CNTN6: variants seen among roughly 807,000 people sequenced by gnomAD.
The protein encoded by CNTN6 is contactin-6.
Under a neutral mutation model 122.8 loss-of-function variants are expected in CNTN6, and 137 were observed. The ratio of observed to expected loss-of-function variants is 1.12; its 90% confidence interval spans 0.97 to 1.29. CNTN6 has a LOEUF of 1.29. CNTN6 is among the 50% of genes most tolerant of loss of function. The pLI, the probability that CNTN6 is intolerant of heterozygous loss-of-function variation, is 0.00. For synonymous variants in CNTN6, 570 were observed against 426.0 expected, an observed-to-expected ratio of 1.34 and a Z score of -4.16; for missense variants, 1,634 against 1,223.4, an observed-to-expected ratio of 1.34 and a Z score of -5.01.
chr3:1,393,679 G>C (rs769317517), intron 20 of CNTN6, among the ~76,000 whole-genome samples: 4 of 150,160 alleles, frequency 2.7e-5, no homozygotes, highest in Non-Finnish European at 5.9e-5. Flanking sequence ...TATCATGGTA[G>C]ACTGACAGAC....
chr3:1,238,670 A>G lies in CNTN6; in HGVS notation c.358+10677A>G, dbSNP rs146281811. On this transcript the variant is annotated intron_variant, in intron 4 of 22. Transcript: ENST00000446702. ...TTCATCAGCACATGGAACATTCTCC[A>G]ACATAGACCATACGATAGGCCACAA... is the stretch of plus-strand genomic sequence containing the variant. Among the ~76,000 whole-genome samples, 537 of 152,328 alleles carry G rather than the reference A, an allele frequency of 3.5e-3. 4 individuals are homozygous for G. The highest frequency in any genetic ancestry group is 0.012 in the African/African-American group (507 of 41,580).
At chr3:1,118,016 C>G (rs1190068869) in intron 1 of CNTN6, among the ~76,000 whole-genome samples, 5 of 152,072 alleles carry the variant, frequency 3.3e-5, no homozygotes, top group Non-Finnish European at 5.9e-5. Context: ...CCAAATAAGC[C>G]CTTGCCTCAA....
intron 5 of CNTN6, among the ~76,000 whole-genome samples, chr3:1,288,055 G>A (rs1694656871): frequency 6.6e-6 from 1 of 152,176 alleles, no homozygotes; most frequent in African/African-American, 2.4e-5. Context: ...TGGCCTCCCA[G>A]GCTGAACCCC....
rs770573056 is a variant in CNTN6 at position 1,372,446 on chromosome 3, G to T, written c.1640G>T (p.Gly547Val). The T allele has an allele frequency of 9.3e-6, 15 of 1,611,228 alleles. No individual in the cohort carries two copies. Among genetic ancestry groups the T allele is most frequent in the Non-Finnish European group, 1.3e-5 (15 of 1,178,994 alleles). The change falls in exon 13 of 23, where the codon GGA becomes GTA. Residue 547 changes from glycine (G) to valine (V), a missense_variant. Transcript: ENST00000446702. ...GGAGATGTCATAGACTTAAAAAAAG[G>T]AGTGGCTCATTTTGAAAGGATTGGA... ...FNGDVIDLKK[G>V]VAHFERIGGE...
At chr3:1,377,163 A>G in intron 17 of CNTN6, 88 bp downstream of exon 17, 1 of 894,438 alleles carries the variant, frequency 1.1e-6, no homozygotes, top group Non-Finnish European at 1.8e-6. Flanking sequence ...TTATTTGATC[A>G]CTATTGAGAG....
rs565964494 is a variant in CNTN6 at position 1,134,265 on chromosome 3, A to C, written c.-82-13662A>C. 5.3e-5 allele frequency among the ~76,000 whole-genome samples: 8 copies of C among 152,148 alleles called. No homozygotes were observed. In the South Asian group the frequency reaches 1.7e-3, roughly 32 times the overall value. On this transcript the variant is annotated intron_variant, in intron 1 of 22. Coordinates refer to ENST00000446702, the MANE Select transcript of CNTN6 (RefSeq NM_001289080.2). ...ACTGAGTTGCCTGCTCTCCCATCTC[A>C]ATTTGGAAATCTGAGACCAGAGTTG...
At chr3:1,335,954 G>A (rs1559858704) in intron 11 of CNTN6, among the ~76,000 whole-genome samples, 1 of 152,032 alleles carries the variant, frequency 6.6e-6, no homozygotes, top group Non-Finnish European at 1.5e-5. Flanking sequence ...GGGTGTTGAG[G>A]TGGGAGAATA....
At chr3:1,252,689 C>G (rs1193018440) in intron 4 of CNTN6, among the ~76,000 whole-genome samples, 2 of 152,102 alleles carry the variant, frequency 1.3e-5, no homozygotes, top group Admixed American at 1.3e-4. Context: ...ATTCAGGTCT[C>G]CTGACTAAGA....
At chr3:1,175,627 A>G (rs569876582) in intron 2 of CNTN6, among the ~76,000 whole-genome samples, 1 of 152,356 alleles carries the variant, frequency 6.6e-6, no homozygotes, top group African/African-American at 2.4e-5. Flanking sequence ...TCTAGCTGCA[A>G]GAGGGCAGTA....
chr3:1,306,636 C>CA (rs927642661), intron 7 of CNTN6, among the ~76,000 whole-genome samples: 1 of 136,704 alleles, frequency 7.3e-6, no homozygotes, highest in African/African-American at 2.5e-5. Flanking sequence ...ATAAGGAAGG[C>CA]AAAAATGATA....
At chr3:1,388,958 G>T (rs1392255745) in intron 20 of CNTN6, among the ~76,000 whole-genome samples, 244 of 142,906 alleles carry the variant, frequency 1.7e-3, no homozygotes, top group African/African-American at 5.8e-3. Flanking sequence ...GAAAGTGATG[G>T]GGAGAATGGA....
At chr3:1,113,057 A>T (rs1306372919) in intron 1 of CNTN6, among the ~76,000 whole-genome samples, 1 of 152,164 alleles carries the variant, frequency 6.6e-6, no homozygotes, top group Admixed American at 6.5e-5. Context: ...GGTTGTAGAG[A>T]TGAAAGTCAG....
intron 14 of CNTN6, 140 bp downstream of exon 14, chr3:1,373,095 A>T: frequency 1.7e-6 from 1 of 580,028 alleles, no homozygotes. Context: ...TTTAAACCCC[A>T]GGACTCCATG....
At chr3:1,322,723 G>A (rs544787439) in intron 8 of CNTN6, among the ~76,000 whole-genome samples, 117 of 151,500 alleles carry the variant, frequency 7.7e-4, no homozygotes, top group South Asian at 1.5e-3. Context: ...TTGAGTGCCC[G>A]TGGGGAGAAC....
At chr3:1,225,305 T>C (rs2094266279) in intron 3 of CNTN6, among the ~76,000 whole-genome samples, 1 of 152,150 alleles carries the variant, frequency 6.6e-6, no homozygotes, top group Non-Finnish European at 1.5e-5. Context: ...GATTTAGACA[T>C]ATTAATTAGG....
chr3:1,111,313 C>A (rs1396227581), intron 1 of CNTN6, among the ~76,000 whole-genome samples: 2 of 152,124 alleles, frequency 1.3e-5, no homozygotes, highest in African/African-American at 4.8e-5. Flanking sequence ...CAAGAACAAC[C>A]ATCAATTGAT....
rs115638770 is a variant in CNTN6, at chr3:1,123,139, C to T, written c.-82-24788C>T. Among the ~76,000 whole-genome samples the T allele has an allele frequency of 8.8e-3, 1,341 of 151,908 alleles. 22 individuals are homozygous for T. Among genetic ancestry groups the T allele is most frequent in the African/African-American group, 0.031 (1,293 of 41,486 alleles). On this transcript the variant is annotated intron_variant, in intron 1 of 22. Coordinates refer to ENST00000446702, the MANE Select transcript of CNTN6 (RefSeq NM_001289080.2). ...TTGGCTATTCAGGCCCTTGCAATTA[C>T]ATAGAAATTTGAAAATCAGCTTTTC...
intron 6 of CNTN6, among the ~76,000 whole-genome samples, chr3:1,296,812 C>T (rs142932929): frequency 0.018 from 2,699 of 152,204 alleles, 88 homozygotes; most frequent in African/African-American, 0.062. Flanking sequence ...CAGAAGAATT[C>T]ATGAGCCAAC....
At chr3:1,294,713 A>G (rs17271519) in intron 5 of CNTN6, among the ~76,000 whole-genome samples, 36,819 of 152,052 alleles carry the variant, frequency 0.24, 4,655 homozygotes, top group Non-Finnish European at 0.28. Context: ...CGTCACTTGG[A>G]TAGCTCTAGT....
Sources: gnomAD v4.1 joint callset for allele counts (sites outside exome capture counted in the v4.1 genomes callset) on GRCh38, gnomAD v4.1.1 for gene constraint, MANE v1.5 for transcripts, NCBI Gene and HGNC (gene_info 2026-07-23, HGNC 2026-07-21) for gene names.